Variants in FAM193A observed in about 807,000 individuals in gnomAD.
FAM193A encodes the protein protein FAM193A.
Under a neutral mutation model 126.5 loss-of-function variants are expected in FAM193A, and 22 were observed. The observed-to-expected ratio is 0.17, with a 90% confidence interval of 0.12 to 0.25. The LOEUF (loss-of-function observed/expected upper bound fraction) is 0.25. Among genes scored for constraint, FAM193A ranks in the 10% least tolerant of loss-of-function variants. FAM193A has a pLI of 1.00. For missense variants in FAM193A, 1,675 were observed against 1,672.8 expected (o/e 1.00, Z -0.02); for synonymous variants, 761 against 646.8 (o/e 1.18, Z -2.68).
At chr4:2,588,937 G>A (rs191040229) in intron 1 of FAM193A, among the ~76,000 whole-genome samples, 1 of 152,252 alleles carries the variant, frequency 6.6e-6, no homozygotes, top group Middle Eastern at 3.4e-3. Context: ...ATGTAAGTCT[G>A]CTGCTATTAA....
chr4:2,542,907 G>A (rs1031576799), intron 1 of FAM193A, among the ~76,000 whole-genome samples: 3 of 152,148 alleles, frequency 2.0e-5, no homozygotes, highest in African/African-American at 7.2e-5. Flanking sequence ...GCCAAAGAGG[G>A]TGTTTCTGCA....
intron 13 of FAM193A, among the ~76,000 whole-genome samples, chr4:2,681,645 T>C (rs1430841831): frequency 1.3e-5 from 2 of 151,962 alleles, no homozygotes; most frequent in Non-Finnish European, 2.9e-5. Flanking sequence ...TTTATTTACG[T>C]AGGGACGGAG....
intron 12 of FAM193A, among the ~76,000 whole-genome samples, chr4:2,664,567 T>TTC (rs1712885316): frequency 7.7e-6 from 1 of 129,810 alleles, no homozygotes; most frequent in South Asian, 2.8e-4. Context: ...TCTTTTTTTT[T>TTC]TTTTTTTTTT....
At chr4:2,728,625 GC>G (rs1306129916) in intron 20 of FAM193A, among the ~76,000 whole-genome samples, 1 of 152,076 alleles carries the variant, frequency 6.6e-6, no homozygotes, top group African/African-American at 2.4e-5. Context: ...CTTGGTTAAA[GC>G]CATAAAGGGA....
intron 7 of FAM193A, among the ~76,000 whole-genome samples, chr4:2,651,456 GAGA>G (rs954426813): frequency 3.2e-4 from 48 of 152,320 alleles, no homozygotes; most frequent in African/African-American, 1.1e-3. Context: ...ATGGCGGAAG[GAGA>G]AGAAGAGGCA....
chr4:2,621,185 C>G (rs534315543), intron 2 of FAM193A, among the ~76,000 whole-genome samples: 1 of 152,174 alleles, frequency 6.6e-6, no homozygotes, highest in Non-Finnish European at 1.5e-5. Flanking sequence ...ACCCCTTCTT[C>G]TTCACCGTCC....
At chr4:2,607,150 C>T (rs960786696) in intron 2 of FAM193A, among the ~76,000 whole-genome samples, 2 of 152,290 alleles carry the variant, frequency 1.3e-5, no homozygotes, top group East Asian at 1.9e-4. Flanking sequence ...CTTCCCACTT[C>T]GTCACGCAGA....
intron 19 of FAM193A, among the ~76,000 whole-genome samples, chr4:2,709,532 A>G (rs1020803105): frequency 6.6e-6 from 1 of 152,160 alleles, no homozygotes; most frequent in Non-Finnish European, 1.5e-5. Context: ...AACATGGTGA[A>G]ACCCCGTCTC....
At position 2,700,267 on chromosome 4, in the gene FAM193A, C is replaced by T. The variant is rs772032560; in HGVS notation, c.4095C>T (p.Ser1365=). Residue 1365 remains serine (S), a synonymous_variant, in exon 19 of 21, where the codon TCC becomes TCT. Coordinates refer to ENST00000637812, the MANE Select transcript of FAM193A (RefSeq NM_001366318.2). ...CCCCCAAGGCCACAGAGGGGCAGTC[C>T]AAGCCCCGGGCCCAGACTGAGTCAA... ...TEPPKATEGQ[S]KPRAQTESKA... is the part of the protein sequence containing the mutation. 2.5e-6 allele frequency: 4 copies of T among 1,614,072 alleles called. No individual in the cohort carries two copies. In the South Asian group the frequency reaches 4.4e-5, roughly 18 times the overall value.
At chr4:2,691,657 A>G (rs1716392950) in intron 15 of FAM193A, among the ~76,000 whole-genome samples, 1 of 152,052 alleles carries the variant, frequency 6.6e-6, no homozygotes, top group Non-Finnish European at 1.5e-5. Context: ...TTGAGCATTA[A>G]AAGGAATGAG....
At chr4:2,550,261 A>T (rs2108818176) in intron 1 of FAM193A, among the ~76,000 whole-genome samples, 2 of 151,328 alleles carry the variant, frequency 1.3e-5, no homozygotes, top group South Asian at 4.2e-4. Flanking sequence ...GGCCAGGCTG[A>T]TCTCGAACTC....
In FAM193A at chr4:2,659,552, C is replaced by G; in HGVS notation, c.1390-6C>G. The G allele has an allele frequency of 6.2e-7, 1 of 1,601,364 alleles. No homozygotes were observed. The highest frequency in any genetic ancestry group is 8.6e-7 in the Non-Finnish European group (1 of 1,168,432). On this transcript the variant is annotated splice_region_variant and splice_polypyrimidine_tract_variant and intron_variant, in intron 8 of 20. Transcript: ENST00000637812. ...CAAGATTAAAGCATTTTAAAATTTC[C>G]TCTAGTTAACCAATAAGAAAGCAGT...
At chr4:2,669,834 G>C (rs1023837141) in intron 12 of FAM193A, among the ~76,000 whole-genome samples, 8 of 152,176 alleles carry the variant, frequency 5.3e-5, no homozygotes, top group Admixed American at 3.3e-4. Context: ...TTCTCAAGAA[G>C]GTGTTTTAGT....
chr4:2,714,379 C>T (rs1202249645), intron 19 of FAM193A, among the ~76,000 whole-genome samples: 1 of 152,160 alleles, frequency 6.6e-6, no homozygotes, highest in Non-Finnish European at 1.5e-5. Flanking sequence ...ATCCGCTATT[C>T]TGTGCCAGGA....
intron 20 of FAM193A, among the ~76,000 whole-genome samples, chr4:2,727,585 T>A (rs1720896850): frequency 6.6e-6 from 1 of 152,238 alleles, no homozygotes. Flanking sequence ...CTTGAAATTA[T>A]TTATGACTCT....
In FAM193A at chr4:2,651,160, G is replaced by A. The variant is rs187215712; in HGVS notation, c.1311+4328G>A. On this transcript the variant is annotated intron_variant, in intron 7 of 20. Transcript: ENST00000637812. ...AGCCTGGCCAGCATGGAGAAACCCC[G>A]TCTCTACTAAAAATACAAAATTAGC... 4.1e-3 allele frequency among the ~76,000 whole-genome samples: 622 copies of A among 152,204 alleles called. 4 individuals carry two copies. Among genetic ancestry groups the A allele is most frequent in the African/African-American group, 0.014 (601 of 41,530 alleles).
chr4:2,663,109 TCTC>T lies in FAM193A; in HGVS notation c.1904_1906del (p.Pro635del). On this transcript the variant is annotated inframe_deletion and splice_region_variant, in exon 12 of 21. Transcript: ENST00000637812. ...AAATTACAAAAGATTGTCTTTAAAG[TCTC>T]CTCAGATAAGCAGTACCAGCAGTAG... 6.2e-7 allele frequency: 1 copy of T among 1,610,130 alleles called. No homozygotes were observed. Among genetic ancestry groups the T allele is most frequent in the Non-Finnish European group, 8.5e-7 (1 of 1,177,896 alleles).
intron 19 of FAM193A, among the ~76,000 whole-genome samples, chr4:2,705,653 G>A (rs1354115490): frequency 6.6e-6 from 1 of 151,756 alleles, no homozygotes; most frequent in Admixed American, 6.6e-5. Flanking sequence ...GTGGTGGTGC[G>A]GTCATAGCTC....
At chr4:2,577,482 G>A (rs372666125) in intron 1 of FAM193A, among the ~76,000 whole-genome samples, 37 of 144,670 alleles carry the variant, frequency 2.6e-4, no homozygotes, top group African/African-American at 8.0e-4. Context: ...GCACTGGCAC[G>A]ATCTCAGCTC....
Sources: allele counts gnomAD v4.1 joint callset (sites outside exome capture counted in the v4.1 genomes callset), GRCh38; gene constraint gnomAD v4.1.1; transcripts MANE v1.5; gene names NCBI Gene and HGNC (gene_info 2026-07-23, HGNC 2026-07-21).